The following VCPIP1 variants were observed in gnomAD, a reference collection of about 807,000 sequenced individuals.
VCPIP1 encodes the protein valosin containing protein interacting protein 1.
A neutral mutation model predicts 85.0 loss-of-function variants in VCPIP1; 8 were observed. The observed-to-expected ratio is 0.09, with a 90% CI of 0.06 to 0.17. The LOEUF is 0.17. Among genes scored for constraint, VCPIP1 ranks in the 10% least tolerant of loss-of-function variants. The pLI, the probability that VCPIP1 is intolerant of heterozygous loss-of-function variation, is 1.00. For missense variants in VCPIP1, 1,070 were observed against 1,486.3 expected (o/e 0.72, Z 4.61); for synonymous variants, 543 against 544.5 (o/e 1.00, Z 0.04).
At chr8:66,658,206 C>G (rs2954566) in intron 1 of VCPIP1, among the ~76,000 whole-genome samples, 3 of 151,594 alleles carry the variant, frequency 2.0e-5, no homozygotes, top group Non-Finnish European at 3.0e-5. Flanking sequence ...TTGTGGCAGG[C>G]GCCTGTAATT....
chr8:66,652,186 G>A (rs1811061004), intron 1 of VCPIP1, among the ~76,000 whole-genome samples: 1 of 151,968 alleles, frequency 6.6e-6, no homozygotes, highest in Admixed American at 6.6e-5. Context: ...GTGAGATCCT[G>A]TTTCAAAAAA....
chr8:66,662,200 G>A (rs1811164629), intron 1 of VCPIP1, among the ~76,000 whole-genome samples: 1 of 152,148 alleles, frequency 6.6e-6, no homozygotes, highest in Admixed American at 6.6e-5. Flanking sequence ...TTGTTATCAG[G>A]AAGCTAAATA....
At chr8:66,645,759 CAAAAAA>C (rs1179669993) in intron 2 of VCPIP1, among the ~76,000 whole-genome samples, 20 of 57,486 alleles carry the variant, frequency 3.5e-4, no homozygotes, top group Non-Finnish European at 5.1e-4. Flanking sequence ...CCTGTCTCTA[CAAAAAA>C]AAAAAAAAAA....
chr8:66,666,127 C>T lies in VCPIP1; in HGVS notation c.832G>A (p.Val278Ile). ...CCCAAGGGAACACCCTCAGGTGGTA[C>T]AAACAGAGGGTCACACTCATTGATA... ...DIINECDPLF[V>I]PPEGVPLGLR... Residue 278 changes from valine (V) to isoleucine (I), a missense_variant, in exon 1 of 3, where the codon GTA becomes ATA. Transcript: ENST00000310421. The surrounding 1 kb of genome is among the most constrained non-coding windows in gnomAD (Gnocchi z 6.3). 4.3e-6 allele frequency: 7 copies of T among 1,614,166 alleles called. No individual in the cohort carries two copies. The highest frequency in any genetic ancestry group is 5.9e-6 in the Non-Finnish European group (7 of 1,180,040).
At chr8:66,647,039 A>G (rs566851178) in intron 2 of VCPIP1, among the ~76,000 whole-genome samples, 20 of 150,626 alleles carry the variant, frequency 1.3e-4, no homozygotes, top group African/African-American at 4.9e-4. Flanking sequence ...ATAAATAAAT[A>G]AGTAAATTAA....
intron 2 of VCPIP1, among the ~76,000 whole-genome samples, chr8:66,649,595 C>T (rs1586625914): frequency 6.6e-6 from 1 of 152,144 alleles, no homozygotes; most frequent in Non-Finnish European, 1.5e-5. Flanking sequence ...ATGCCGGACA[C>T]AAAAGGTCAC....
intron 1 of VCPIP1, among the ~76,000 whole-genome samples, chr8:66,659,393 T>C (rs1318400049): frequency 6.6e-6 from 1 of 152,112 alleles, no homozygotes; most frequent in Non-Finnish European, 1.5e-5. Flanking sequence ...TTCAATTACT[T>C]TGTGGTCTGG....
Position 66,631,220 on chromosome 8 carries a change from G to A in VCPIP1, c.*3281C>T, listed in dbSNP as rs1403300398. 6.6e-6 allele frequency: 1 copy of A among 152,120 alleles called. No individual in the cohort carries two copies. The highest frequency in any genetic ancestry group is 1.9e-4 in the East Asian group (1 of 5,206). 9.4% of individuals were successfully genotyped at this position (152,120 alleles called of 1,614,324 possible). A position where few individuals can be genotyped will look rare whatever the true frequency, so the allele number is the denominator to read the frequency against. On this transcript the variant is annotated 3_prime_UTR_variant, in exon 3 of 3. Coordinates refer to ENST00000310421, the MANE Select transcript of VCPIP1 (RefSeq NM_025054.5). The stretch of plus-strand genomic sequence containing the variant: ...CCAATTGAAATTACTGTTGAAAAAT[G>A]AAGACAAAACTGTATTGATATTCTG...
chr8:66,634,285 T>C lies in VCPIP1; in HGVS notation c.*216A>G. ...TGGAAGAAAGTCATCTCAGCAGATC[T>C]AACAGCTAATTTATAGAAATTCAGA... On this transcript the variant is annotated 3_prime_UTR_variant, in exon 3 of 3. Transcript: ENST00000310421. 2.3e-6 allele frequency: 1 copy of C among 431,236 alleles called. No homozygotes were observed. Among genetic ancestry groups the C allele is most frequent in the East Asian group, 3.6e-5 (1 of 27,408 alleles). 26.7% of individuals were successfully genotyped at this position (431,236 alleles called of 1,614,324 possible). A position where few individuals can be genotyped will look rare whatever the true frequency, so the allele number is the denominator to read the frequency against.
rs1231665189 is a variant in VCPIP1, at chr8:66,667,117, G to C, written c.-159C>G. The C allele has an allele frequency of 4.3e-6, 6 of 1,390,868 alleles. No individual in the cohort carries two copies. Among genetic ancestry groups the C allele is most frequent in the South Asian group, 3.4e-5 (2 of 58,746 alleles). 86.2% of individuals were successfully genotyped at this position (1,390,868 alleles called of 1,614,324 possible). On this transcript the variant is annotated 5_prime_UTR_variant, in exon 1 of 3. Transcript: ENST00000310421. ...CCTCCTAAGCGAAGGCGGAAGCGCC[G>C]GACGTTGTTTCTCTTCTTACTTCTC...
chr8:66,659,728 C>T (rs989772877), intron 1 of VCPIP1, among the ~76,000 whole-genome samples: 12 of 151,958 alleles, frequency 7.9e-5, no homozygotes, highest in African/African-American at 2.7e-4. Context: ...CTCAGGAGTT[C>T]GAGACCAGCA....
At chr8:66,647,439 T>G (rs1275584017) in intron 2 of VCPIP1, among the ~76,000 whole-genome samples, 2 of 150,944 alleles carry the variant, frequency 1.3e-5, no homozygotes, top group Admixed American at 1.3e-4. Flanking sequence ...CCAAAACAAT[T>G]CTGAAAAAGA....
intron 1 of VCPIP1, among the ~76,000 whole-genome samples, chr8:66,658,574 C>T (rs985505126): frequency 2.6e-5 from 4 of 151,800 alleles, no homozygotes; most frequent in South Asian, 2.1e-4. Flanking sequence ...CTACAACCTC[C>T]GCCTCCTGGG....
Position 66,628,698 on chromosome 8 carries a change from C to G in VCPIP1, c.*5803G>C, listed in dbSNP as rs1362235533. The G allele has an allele frequency of 6.6e-6, 1 of 152,166 alleles. No individual in the cohort carries two copies. The highest frequency in any genetic ancestry group is 1.5e-5 in the Non-Finnish European group (1 of 68,024). 9.4% of individuals were successfully genotyped at this position (152,166 alleles called of 1,614,324 possible). A position where few individuals can be genotyped will look rare whatever the true frequency, so the allele number is the denominator to read the frequency against. The stretch of plus-strand genomic sequence containing the variant: ...GGCATGCATATACAAGACCTCAAGT[C>G]CAAGTTTGGGATAACTGTAGCCAAC... On this transcript the variant is annotated 3_prime_UTR_variant, in exon 3 of 3. Coordinates refer to ENST00000310421, the MANE Select transcript of VCPIP1 (RefSeq NM_025054.5).
intron 1 of VCPIP1, among the ~76,000 whole-genome samples, chr8:66,662,925 T>C (rs923433967): frequency 6.6e-6 from 1 of 151,944 alleles, no homozygotes; most frequent in Non-Finnish European, 1.5e-5. Context: ...GTCAACAAGT[T>C]GAAACCCCGT....
intron 1 of VCPIP1, among the ~76,000 whole-genome samples, chr8:66,654,512 G>T (rs1811081713): frequency 6.6e-6 from 1 of 152,160 alleles, no homozygotes; most frequent in South Asian, 2.1e-4. Context: ...AAATTTGAAA[G>T]AACTATCCAG....
rs1810833743 is a variant in VCPIP1 at position 66,631,473 on chromosome 8, G to A, written c.*3028C>T. ...AATTCTCAAAAACCTGTCATTAGTA[G>A]TATGAGTTGCTAGCAAGTGATCTTC... On this transcript the variant is annotated 3_prime_UTR_variant, in exon 3 of 3. Transcript: ENST00000310421. 2 of 154,490 alleles carry A rather than the reference G, an allele frequency of 1.3e-5. No homozygotes were observed. The highest frequency in any genetic ancestry group is 2.4e-5 in the African/African-American group (1 of 41,526). 9.6% of individuals were successfully genotyped at this position (154,490 alleles called of 1,614,324 possible).
At chr8:66,638,979 T>TATATATATATATATATATATAG in intron 2 of VCPIP1, among the ~76,000 whole-genome samples, 1 of 149,224 alleles carries the variant, frequency 6.7e-6, no homozygotes, top group African/African-American at 2.5e-5. Context: ...TCTATATATA[T>TATATATATATATATATATATAG]ATATATACAT....
At chr8:66,637,813 C>CA (rs1228713602) in intron 2 of VCPIP1, among the ~76,000 whole-genome samples, 6 of 150,468 alleles carry the variant, frequency 4.0e-5, no homozygotes, top group Non-Finnish European at 7.4e-5. Flanking sequence ...ACCAAAAATA[C>CA]AAAAAAAAAT....
Sources: gnomAD v4.1 joint callset for allele counts (sites outside exome capture counted in the v4.1 genomes callset) on GRCh38, gnomAD v4.1.1 for gene constraint, Gnocchi (gnomAD v3.1) non-coding constraint, MANE v1.5 for transcripts, NCBI Gene and HGNC (gene_info 2026-07-23, HGNC 2026-07-21) for gene names.